ZNF521: variants seen among roughly 807,000 people sequenced by gnomAD.
ZNF521 encodes the protein zinc finger protein 521.
ZNF521 carries 14 observed loss-of-function variants against 105.5 expected under a neutral mutation model. The ratio of observed to expected loss-of-function variants is 0.13; its 90% CI spans 0.09 to 0.21. The LOEUF is 0.21. Among genes scored for constraint, ZNF521 ranks in the 10% least tolerant of loss-of-function variants. The pLI is 1.00. For synonymous variants in ZNF521, 635 were observed against 606.0 expected (o/e 1.05, Z -0.70); for missense variants, 1,233 against 1,629.7 (o/e 0.76, Z 4.19).
At chr18:25,146,645 G>A (rs1213091912) in intron 5 of ZNF521, among the ~76,000 whole-genome samples, 2 of 152,006 alleles carry the variant, frequency 1.3e-5, no homozygotes, top group South Asian at 4.1e-4. Context: ...CTGGTTAATC[G>A]TAACTATTTC....
intron 5 of ZNF521, among the ~76,000 whole-genome samples, chr18:25,115,472 T>C (rs1168421009): frequency 2.0e-5 from 3 of 152,158 alleles, no homozygotes; most frequent in Admixed American, 2.0e-4. Flanking sequence ...AGAAAATCAA[T>C]GGCACTTTTC....
intron 5 of ZNF521, among the ~76,000 whole-genome samples, chr18:25,189,199 T>A (rs531553726): frequency 2.0e-5 from 3 of 152,188 alleles, no homozygotes; most frequent in Non-Finnish European, 1.5e-5. Flanking sequence ...ATTGTCTTTG[T>A]TTTTAGGAAG....
chr18:25,250,633 C>T (rs1259404510), intron 3 of ZNF521, among the ~76,000 whole-genome samples: 1 of 152,126 alleles, frequency 6.6e-6, no homozygotes, highest in African/African-American at 2.4e-5. Context: ...TGTTATCTTC[C>T]AAATAGTGAA....
At chr18:25,310,433 CA>C (rs751323496) in intron 3 of ZNF521, among the ~76,000 whole-genome samples, 118 of 122,968 alleles carry the variant, frequency 9.6e-4, no homozygotes, top group East Asian at 8.8e-4. Flanking sequence ...AAACAGAAAA[CA>C]AAAAAAAAAA....
At chr18:25,250,005 C>T (rs1456214250) in intron 3 of ZNF521, among the ~76,000 whole-genome samples, 2 of 152,168 alleles carry the variant, frequency 1.3e-5, no homozygotes, top group East Asian at 3.9e-4. Flanking sequence ...GTGGCGCAAT[C>T]TCGGCTAACT....
intron 3 of ZNF521, among the ~76,000 whole-genome samples, chr18:25,234,877 A>T (rs538505183): frequency 7.4e-4 from 113 of 152,254 alleles, no homozygotes; most frequent in African/African-American, 2.7e-3. Flanking sequence ...ATTTAACAAT[A>T]TTATTTAAAT....
chr18:25,099,082 A>G (rs139508452), intron 5 of ZNF521, among the ~76,000 whole-genome samples: 1 of 152,294 alleles, frequency 6.6e-6, no homozygotes, highest in East Asian at 1.9e-4. Context: ...TATTCTTGCT[A>G]CAGTGCAAGT....
intron 7 of ZNF521, among the ~76,000 whole-genome samples, chr18:25,086,577 T>TTGACTGTG (rs1379381919): frequency 6.6e-6 from 1 of 152,158 alleles, no homozygotes; most frequent in Non-Finnish European, 1.5e-5. Flanking sequence ...TTGCGAAATA[T>TTGACTGTG]TGACTGTGTA....
At chr18:25,236,535 CAA>C (rs34602145) in intron 3 of ZNF521, among the ~76,000 whole-genome samples, 47 of 122,248 alleles carry the variant, frequency 3.8e-4, no homozygotes, top group Middle Eastern at 4.6e-3. Context: ...GACTCCATCT[CAA>C]AAAAAAAAAA....
chr18:25,226,092 G>A lies in ZNF521; in HGVS notation c.1826C>T (p.Pro609Leu). 6.2e-7 allele frequency: 1 copy of A among 1,614,180 alleles called. No homozygotes were observed. Among genetic ancestry groups the A allele is most frequent in the Non-Finnish European group, 8.5e-7 (1 of 1,180,016 alleles). Residue 609 changes from proline (P) to leucine (L), a missense_variant, in exon 4 of 8, where the codon CCT (proline) becomes CTT (leucine). Physicochemically the swap from Pro to Leu is moderately conservative, Grantham distance 98. Coordinates refer to ENST00000361524, the MANE Select transcript of ZNF521 (RefSeq NM_015461.3). The surrounding 1 kb of genome is among the most constrained non-coding windows in gnomAD (Gnocchi z 4.1). ...AAGAGATGTCTGCTCTATGGCCACA[G>A]GAGATAGGGGGCTTAAGGCCCTGGA... The part of the protein sequence containing the change: ...KKSRALSPLS[P>L]VAIEQTSLKM...
chr18:25,062,775 A>G, intron 7 of ZNF521, 34 bp from the exon 8 acceptor site: 17 of 1,404,394 alleles, frequency 1.2e-5, no homozygotes, highest in Non-Finnish European at 1.6e-5. Flanking sequence ...AAAAAAAAAA[A>G]AAAAAAAAAA....
chr18:25,279,123 G>T (rs1910212210), intron 3 of ZNF521, among the ~76,000 whole-genome samples: 1 of 152,170 alleles, frequency 6.6e-6, no homozygotes, highest in South Asian at 2.1e-4. Context: ...CCCAGAAAAG[G>T]TAGACAGGAG....
At chr18:25,219,541 T>C (rs1236829496) in intron 4 of ZNF521, among the ~76,000 whole-genome samples, 3 of 152,288 alleles carry the variant, frequency 2.0e-5, no homozygotes, top group East Asian at 3.9e-4. Context: ...GAGACATCAT[T>C]GCTTTTTAAA....
At chr18:25,246,479 T>A (rs1156325645) in intron 3 of ZNF521, among the ~76,000 whole-genome samples, 1 of 152,168 alleles carries the variant, frequency 6.6e-6, no homozygotes, top group African/African-American at 2.4e-5. Flanking sequence ...TTTTCCTTTT[T>A]CCCCCATCCA....
At chr18:25,122,056 T>G (rs193239949) in intron 5 of ZNF521, among the ~76,000 whole-genome samples, 19 of 152,282 alleles carry the variant, frequency 1.2e-4, no homozygotes, top group Non-Finnish European at 2.2e-4. Context: ...AAGCTATAAC[T>G]ACATTTCTGT....
chr18:25,255,466 T>G (rs1908415012), intron 3 of ZNF521, among the ~76,000 whole-genome samples: 1 of 152,160 alleles, frequency 6.6e-6, no homozygotes, highest in Non-Finnish European at 1.5e-5. Flanking sequence ...GCTCTTGGGT[T>G]CTCGTTTTTC....
At chr18:25,245,676 A>G (rs1907658043) in intron 3 of ZNF521, among the ~76,000 whole-genome samples, 1 of 152,132 alleles carries the variant, frequency 6.6e-6, no homozygotes, top group African/African-American at 2.4e-5. Flanking sequence ...TTTTTTGTAA[A>G]TATGTACAGA....
At chr18:25,208,844 C>T (rs1431615416) in intron 4 of ZNF521, among the ~76,000 whole-genome samples, 1 of 152,122 alleles carries the variant, frequency 6.6e-6, no homozygotes, top group African/African-American at 2.4e-5. Context: ...CACCACTGAA[C>T]CCATTAAATT....
chr18:25,203,781 C>T (rs74864649), intron 4 of ZNF521, among the ~76,000 whole-genome samples: 8,573 of 152,206 alleles, frequency 0.056, 471 homozygotes, highest in African/African-American at 0.14. Context: ...GACTGAGTTG[C>T]AATTTTTATA....
Sources: gnomAD v4.1 joint callset for allele counts (sites outside exome capture counted in the v4.1 genomes callset) on GRCh38, gnomAD v4.1.1 for gene constraint, Gnocchi (gnomAD v3.1) non-coding constraint, MANE v1.5 for transcripts, NCBI Gene and HGNC (gene_info 2026-07-23, HGNC 2026-07-21) for gene names.